Variants in CDH18 observed in about 807,000 individuals in gnomAD.
CDH18 encodes the protein cadherin 18.
In CDH18, 31 loss-of-function variants were observed where a neutral mutation model predicts 67.9. The observed-to-expected ratio is 0.46, with a 90% CI of 0.34 to 0.62. The LOEUF is 0.62. Among genes scored for constraint, CDH18 ranks in the 20% least tolerant of loss-of-function variants. The probability of loss-of-function intolerance (pLI) is 0.01; values close to 1 mark genes in which losing one functional copy is unlikely to be tolerated. For missense variants in CDH18, 890 were observed against 975.5 expected (o/e 0.91, Z 1.17); for synonymous variants, 362 against 347.2 (o/e 1.04, Z -0.48).
At chr5:20,479,004 T>C (rs1021477215) in intron 1 of CDH18, among the ~76,000 whole-genome samples, 1 of 151,996 alleles carries the variant, frequency 6.6e-6, no homozygotes, top group African/African-American at 2.4e-5. Flanking sequence ...ACCACCAGAG[T>C]GGTATCTCTA....
chr5:20,370,567 C>T (rs1056881881), intron 1 of CDH18, among the ~76,000 whole-genome samples: 4 of 151,940 alleles, frequency 2.6e-5, no homozygotes, highest in African/African-American at 9.7e-5. Context: ...TAGGTGCTGC[C>T]CTATATTGAG....
intron 1 of CDH18, among the ~76,000 whole-genome samples, chr5:20,400,598 C>CAAA (rs368604780): frequency 0.049 from 7,193 of 145,988 alleles, 455 homozygotes; most frequent in African/African-American, 0.14. Context: ...ACTAAAAATA[C>CAAA]AAAAAAAAAA....
At chr5:19,892,208 T>C (rs1788848751) in intron 2 of CDH18, among the ~76,000 whole-genome samples, 1 of 152,194 alleles carries the variant, frequency 6.6e-6, no homozygotes, top group African/African-American at 2.4e-5. Flanking sequence ...AAAGTATCCT[T>C]AGAGCTAAAA....
Position 20,095,368 on chromosome 5 carries a change from GAAGA to G in CDH18, c.-517-103358_-517-103355del, listed in dbSNP as rs1447870593. ...GAAAGAAAGAAAGAAAGAAAAGACA[GAAGA>G]AAGAAAGAAAAGAGAAACAGAAGAA... is the stretch of plus-strand genomic sequence containing the variant. On this transcript the variant is annotated intron_variant, in intron 2 of 14. Coordinates refer to the CDH18 transcript ENST00000507958. 2.6e-4 allele frequency among the ~76,000 whole-genome samples: 28 copies of G among 106,356 alleles called. No homozygotes were observed. The East Asian group carries it at 3.2e-3, about 12-fold the overall frequency. 69.8% of individuals were successfully genotyped at this position (106,356 alleles called of 152,430 possible).
rs1271664452 is a variant in CDH18, at chr5:19,473,533, C to T, written c.2066G>A (p.Arg689Lys). Residue 689 changes from arginine (R) to lysine (K), a missense_variant, in exon 13 of 13, where the codon AGG becomes AAG. Transcript: ENST00000382275. ...PSAAEELKYR[R>K]DIRPEVKLTP... ...GAGCTTCACTTCAGGTCTGATATCCCTCCGGTACTTGAGCTCCTCAGCAGC... is the reference window on the plus strand; with the variant it reads ...GAGCTTCACTTCAGGTCTGATATCCTTCCGGTACTTGAGCTCCTCAGCAGC... The T allele has an allele frequency of 6.2e-7, 1 of 1,613,646 alleles. No homozygotes were observed. The highest frequency in any genetic ancestry group is 8.5e-7 in the Non-Finnish European group (1 of 1,179,876).
At chr5:19,739,910 G>A (rs934540076) in intron 4 of CDH18, among the ~76,000 whole-genome samples, 1 of 152,078 alleles carries the variant, frequency 6.6e-6, no homozygotes, top group Non-Finnish European at 1.5e-5. Context: ...AGCACAGCTG[G>A]TGTCTCTTCT....
chr5:19,624,549 T>A (rs1014168083), intron 5 of CDH18, among the ~76,000 whole-genome samples: 4 of 152,256 alleles, frequency 2.6e-5, no homozygotes, highest in Admixed American at 6.5e-5. Flanking sequence ...TAGTTTTAAG[T>A]AGAGTCCAGA....
chr5:20,338,219 C>T (rs1415386113), intron 1 of CDH18, among the ~76,000 whole-genome samples: 2 of 152,182 alleles, frequency 1.3e-5, no homozygotes, highest in African/African-American at 4.8e-5. Context: ...CAGCACTGTC[C>T]AATGAATTTA....
intron 2 of CDH18, among the ~76,000 whole-genome samples, chr5:20,201,034 C>A (rs1452449922): frequency 2.6e-5 from 4 of 151,970 alleles, no homozygotes; most frequent in African/African-American, 9.7e-5. Flanking sequence ...TTTAAAACAA[C>A]AGACATTTAT....
At chr5:19,638,272 C>T (rs562182854) in intron 5 of CDH18, among the ~76,000 whole-genome samples, 1 of 152,302 alleles carries the variant, frequency 6.6e-6, no homozygotes, top group African/African-American at 2.4e-5. Flanking sequence ...CTATAACTAT[C>T]AAAGTCAGAC....
chr5:20,062,993 T>TTC (rs1742635200), intron 2 of CDH18, among the ~76,000 whole-genome samples: 2 of 147,734 alleles, frequency 1.4e-5, no homozygotes, highest in Admixed American at 1.3e-4. Flanking sequence ...TTTTCTTTCT[T>TTC]TTTTTTTTTT....
chr5:19,943,669 G>T (rs889580504), intron 2 of CDH18, among the ~76,000 whole-genome samples: 1 of 151,810 alleles, frequency 6.6e-6, no homozygotes, highest in Non-Finnish European at 1.5e-5. Context: ...TGGGACCAAA[G>T]GATTCCAGTC....
At chr5:20,198,582 C>T (rs114706365) in intron 2 of CDH18, among the ~76,000 whole-genome samples, 2,307 of 152,118 alleles carry the variant, frequency 0.015, 30 homozygotes, top group South Asian at 0.029. Flanking sequence ...CCTGATGATG[C>T]GGTAGAAAAA....
At chr5:20,052,202 A>C (rs888665919) in intron 2 of CDH18, among the ~76,000 whole-genome samples, 2 of 152,100 alleles carry the variant, frequency 1.3e-5, no homozygotes, top group African/African-American at 4.8e-5. Context: ...TTGAAAGTAG[A>C]GATGGGGTTG....
At chr5:20,223,337 T>C (rs528412560) in intron 2 of CDH18, among the ~76,000 whole-genome samples, 2 of 152,328 alleles carry the variant, frequency 1.3e-5, no homozygotes, top group East Asian at 3.9e-4. Flanking sequence ...TTATCCCTTT[T>C]GGAACAGTTG....
intron 12 of CDH18, among the ~76,000 whole-genome samples, chr5:19,479,301 T>G (rs1049464613): frequency 3.9e-5 from 6 of 152,286 alleles, no homozygotes; most frequent in South Asian, 2.1e-4. Flanking sequence ...TACAATTTGT[T>G]TAGCTGCGAG....
intron 1 of CDH18, among the ~76,000 whole-genome samples, chr5:20,446,308 G>A (rs1038693545): frequency 1.3e-5 from 2 of 152,028 alleles, no homozygotes. Context: ...AACCTAGGTG[G>A]GCCAGGGGCT....
chr5:19,977,499 A>G (rs1798607800), intron 2 of CDH18, among the ~76,000 whole-genome samples: 1 of 152,102 alleles, frequency 6.6e-6, no homozygotes, highest in African/African-American at 2.4e-5. Flanking sequence ...GGCATATGTC[A>G]CTCCATTTGC....
chr5:19,912,695 A>C (rs2150142540), intron 2 of CDH18, among the ~76,000 whole-genome samples: 1 of 152,352 alleles, frequency 6.6e-6, no homozygotes, highest in East Asian at 1.9e-4. Flanking sequence ...AGAATGATGA[A>C]AAACTGCTTA....
Sources: gnomAD v4.1 joint callset for allele counts (sites outside exome capture counted in the v4.1 genomes callset) on GRCh38, gnomAD v4.1.1 for gene constraint, MANE v1.5 for transcripts, NCBI Gene and HGNC (gene_info 2026-07-23, HGNC 2026-07-21) for gene names.